Variants in MTUS2 observed in about 807,000 individuals in gnomAD.
MTUS2 encodes the protein microtubule associated scaffold protein 2, also known as microtubule-associated tumor suppressor candidate 2.
Under a neutral mutation model 114.1 loss-of-function variants are expected in MTUS2, and 40 were observed. The observed-to-expected ratio is 0.35, with a 90% CI of 0.27 to 0.46. MTUS2 has a LOEUF of 0.46. Ranked by LOEUF, MTUS2 falls within the 20% of genes least tolerant of loss-of-function variation. MTUS2 has a pLI of 1.00. For synonymous variants in MTUS2, 688 were observed against 672.0 expected (o/e 1.02, Z -0.37); for missense variants, 1,679 against 1,705.4 (o/e 0.98, Z 0.27).
At chr13:29,156,050 C>T (rs1892846569) in intron 5 of MTUS2, among the ~76,000 whole-genome samples, 1 of 151,942 alleles carries the variant, frequency 6.6e-6, no homozygotes, top group East Asian at 1.9e-4. Flanking sequence ...AGTACTCTTA[C>T]CTATTGTTGC....
chr13:29,133,564 A>T lies in MTUS2; in HGVS notation c.2644+32594A>T, dbSNP rs116086563. 2.8e-3 allele frequency among the ~76,000 whole-genome samples: 420 copies of T among 152,338 alleles called. 2 individuals are homozygous for T. The highest frequency in any genetic ancestry group is 9.6e-3 in the African/African-American group (400 of 41,588). Reference sequence around the variant, plus strand: ...GGTAAAGGCCCAACTTTGTTGTTTCACATGGAAATATCCAGTTTTCGAAGA... The same window carrying T: ...GGTAAAGGCCCAACTTTGTTGTTTCTCATGGAAATATCCAGTTTTCGAAGA... On this transcript the variant is annotated intron_variant, in intron 5 of 15. Transcript: ENST00000612955.
chr13:28,851,485 A>T (rs907455500), intron 2 of MTUS2, among the ~76,000 whole-genome samples: 2 of 152,224 alleles, frequency 1.3e-5, no homozygotes, highest in Admixed American at 6.5e-5. Flanking sequence ...CTGAGTGACT[A>T]CAACATAGTG....
At chr13:29,387,867 A>G (rs1400170202) in intron 8 of MTUS2, among the ~76,000 whole-genome samples, 2 of 152,168 alleles carry the variant, frequency 1.3e-5, no homozygotes, top group Non-Finnish European at 2.9e-5. Context: ...GGCAGTCAGC[A>G]TGTTACAACC....
chr13:28,882,340 G>A (rs560308592), intron 2 of MTUS2, among the ~76,000 whole-genome samples: 5 of 152,142 alleles, frequency 3.3e-5, no homozygotes, highest in Non-Finnish European at 5.9e-5. Context: ...GAGCCACCAC[G>A]CCCGGCCAAA....
intron 5 of MTUS2, among the ~76,000 whole-genome samples, chr13:29,129,642 G>A (rs1290999611): frequency 6.6e-6 from 1 of 152,102 alleles, no homozygotes; most frequent in African/African-American, 2.4e-5. Context: ...TGTAATGATA[G>A]GAGGAATCAG....
At chr13:28,930,805 GA>G (rs1460868495) in intron 2 of MTUS2, among the ~76,000 whole-genome samples, 2 of 152,224 alleles carry the variant, frequency 1.3e-5, no homozygotes, top group African/African-American at 2.4e-5. Flanking sequence ...CAGCACACCA[GA>G]GGGAGGACAT....
intron 9 of MTUS2, among the ~76,000 whole-genome samples, chr13:29,470,047 T>G (rs1375142675): frequency 6.6e-6 from 1 of 152,114 alleles, no homozygotes; most frequent in African/African-American, 2.4e-5. Flanking sequence ...CCCAGACTCC[T>G]AATGCCCAAA....
chr13:28,968,329 A>G (rs1231896997), intron 2 of MTUS2, among the ~76,000 whole-genome samples: 2 of 152,212 alleles, frequency 1.3e-5, no homozygotes, highest in Non-Finnish European at 2.9e-5. Context: ...TTGAGTTAAC[A>G]AAGTGTTAAA....
intron 1 of MTUS2, among the ~76,000 whole-genome samples, chr13:28,822,757 G>C (rs1873996931): frequency 1.3e-5 from 2 of 151,958 alleles, no homozygotes; most frequent in Non-Finnish European, 2.9e-5. Flanking sequence ...ATAAACCCAA[G>C]GTTCCACAGA....
chr13:29,291,868 C>CT (rs1477443611), intron 6 of MTUS2, among the ~76,000 whole-genome samples: 29 of 152,176 alleles, frequency 1.9e-4, no homozygotes, highest in African/African-American at 7.0e-4. Flanking sequence ...GTAACCAGGA[C>CT]TTTCTTTTCT....
chr13:29,471,097 C>G (rs769064728), intron 9 of MTUS2, among the ~76,000 whole-genome samples: 8 of 152,142 alleles, frequency 5.3e-5, no homozygotes, highest in Non-Finnish European at 1.2e-4. Context: ...GATCATAACA[C>G]TTTGGGAGGC....
intron 2 of MTUS2, among the ~76,000 whole-genome samples, chr13:28,846,176 A>G (rs1360679050): frequency 6.6e-6 from 1 of 151,928 alleles, no homozygotes; most frequent in African/African-American, 2.4e-5. Flanking sequence ...CATTTACATA[A>G]CTGCACTGAT....
At chr13:29,389,852 TATATACATAC>T (rs1566174491) in intron 8 of MTUS2, among the ~76,000 whole-genome samples, 44 of 14,374 alleles carry the variant, frequency 3.1e-3, no homozygotes, top group African/African-American at 6.5e-3. Flanking sequence ...CATATGTGTA[TATATACATAC>T]ATATGTGTAT....
intron 8 of MTUS2, among the ~76,000 whole-genome samples, chr13:29,392,205 T>C (rs1457328158): frequency 6.6e-6 from 1 of 151,470 alleles, no homozygotes; most frequent in African/African-American, 2.4e-5. Flanking sequence ...TTTGTACCTA[T>C]TGAATAATAA....
chr13:29,422,857 C>T (rs1876225612), intron 8 of MTUS2, among the ~76,000 whole-genome samples: 1 of 152,182 alleles, frequency 6.6e-6, no homozygotes, highest in African/African-American at 2.4e-5. Flanking sequence ...GTCTCAAACT[C>T]CTGACCTCAG....
intron 5 of MTUS2, among the ~76,000 whole-genome samples, chr13:29,250,079 T>A (rs1897069881): frequency 6.6e-6 from 1 of 152,142 alleles, no homozygotes; most frequent in African/African-American, 2.4e-5. Flanking sequence ...ATTTTCAAAG[T>A]AGTTAAAACA....
At chr13:29,388,009 C>G (rs555660838) in intron 8 of MTUS2, among the ~76,000 whole-genome samples, 3 of 152,264 alleles carry the variant, frequency 2.0e-5, no homozygotes, top group African/African-American at 7.2e-5. Context: ...GAGCACAAAA[C>G]TTTGTGTTGC....
intron 7 of MTUS2, among the ~76,000 whole-genome samples, chr13:29,335,095 G>C (rs112322666): frequency 0.055 from 8,351 of 152,284 alleles, 353 homozygotes; most frequent in African/African-American, 0.12. Flanking sequence ...GCGGAACAGA[G>C]CCATATTTCT....
At chr13:29,016,954 T>C (rs1886091947) in intron 2 of MTUS2, among the ~76,000 whole-genome samples, 1 of 152,340 alleles carries the variant, frequency 6.6e-6, no homozygotes, top group East Asian at 1.9e-4. Context: ...CATCAAGTGT[T>C]AGATTATAAT....
Sources: allele counts gnomAD v4.1 joint callset (sites outside exome capture counted in the v4.1 genomes callset), GRCh38; gene constraint gnomAD v4.1.1; transcripts MANE v1.5; gene names NCBI Gene and HGNC (gene_info 2026-07-23, HGNC 2026-07-21).